The following TBC1D7 variants were observed in gnomAD, a reference collection of about 807,000 sequenced individuals.
The protein encoded by TBC1D7 is TBC domain family 7.
TBC1D7 carries 33 observed loss-of-function variants against 35.3 expected under a neutral mutation model. That is an observed-to-expected ratio of 0.93 (90% confidence interval 0.71 to 1.25). The LOEUF (loss-of-function observed/expected upper bound fraction) is 1.25, where lower values mean the gene tolerates loss of function less well. TBC1D7 is among the 50% of genes most tolerant of loss of function. The probability of loss-of-function intolerance (pLI) is 0.00; values close to 1 mark genes in which losing one functional copy is unlikely to be tolerated. For missense variants in TBC1D7, 362 were observed against 365.3 expected (o/e 0.99, Z 0.07); for synonymous variants, 135 against 129.5 (o/e 1.04, Z -0.29).
At chr6:13,315,861 T>C (rs1323112151) in intron 5 of TBC1D7, among the ~76,000 whole-genome samples, 1 of 152,226 alleles carries the variant, frequency 6.6e-6, no homozygotes, top group East Asian at 1.9e-4. Context: ...GTATCAACTA[T>C]GCTGGGGTTG....
In TBC1D7 at chr6:13,326,811, T is replaced by G. The variant is rs1265653713; in HGVS notation, c.88A>C (p.Ile30Leu). 1 of 1,612,654 alleles carries G rather than the reference T, an allele frequency of 6.2e-7. No individual in the cohort carries two copies. Residue 30 changes from isoleucine to leucine, a missense_variant, in exon 2 of 8, where the codon ATT becomes CTT. By Grantham distance (5) the Ile-to-Leu change is conservative (BLOSUM62 2). Coordinates refer to ENST00000379300, the MANE Select transcript of TBC1D7 (RefSeq NM_016495.6). Reference sequence around the variant, plus strand: ...CCCAGACGGTCATCTTTTAGGAGAATTTCTAATGATTTCTTTTCTTCAACT... The same window carrying G: ...CCCAGACGGTCATCTTTTAGGAGAAGTTCTAATGATTTCTTTTCTTCAACT... ...RGVEEKKSLE[I>L]LLKDDRLDTE... is the part of the protein sequence containing the mutation.
At chr6:13,321,447 C>A (rs556111460) in intron 3 of TBC1D7, among the ~76,000 whole-genome samples, 24 of 152,312 alleles carry the variant, frequency 1.6e-4, no homozygotes, top group Non-Finnish European at 2.8e-4. Flanking sequence ...CCTTTAGCTC[C>A]TAGAGGTCTC....
At chr6:13,322,066 T>C (rs534151106) in intron 3 of TBC1D7, among the ~76,000 whole-genome samples, 41 of 152,100 alleles carry the variant, frequency 2.7e-4, no homozygotes, top group South Asian at 1.2e-3. Flanking sequence ...GTGAAGGTAT[T>C]TGGGAAACCC....
rs773641165 is a variant in TBC1D7 at position 13,307,760 on chromosome 6, A to T, written c.520-15T>A. On this transcript the variant is annotated splice_polypyrimidine_tract_variant and intron_variant, in intron 5 of 7. Transcript: ENST00000379300. Reference sequence around the variant, plus strand: ...AACGCTTTTGGCTAAAGATTAAGCAAGAACAGAGATTATTCATTTTCTGTG... The same window carrying T: ...AACGCTTTTGGCTAAAGATTAAGCATGAACAGAGATTATTCATTTTCTGTG... The T allele has an allele frequency of 6.2e-7, 1 of 1,607,824 alleles. No homozygotes were observed. The highest frequency in any genetic ancestry group is 1.1e-5 in the South Asian group (1 of 90,614).
intron 3 of TBC1D7, among the ~76,000 whole-genome samples, chr6:13,324,350 A>G (rs192459537): frequency 1.3e-5 from 2 of 152,214 alleles, no homozygotes; most frequent in Admixed American, 6.5e-5. Context: ...GGATGGTCTC[A>G]ATCTCCTGAC....
At chr6:13,325,520 G>T (rs905584787) in intron 2 of TBC1D7, among the ~76,000 whole-genome samples, 2 of 152,136 alleles carry the variant, frequency 1.3e-5, no homozygotes, top group African/African-American at 4.8e-5. Context: ...AAAATTGGCT[G>T]GGTATGGTGG....
At position 13,313,604 on chromosome 6, in the gene TBC1D7, A is replaced by G. The variant is rs114511798; in HGVS notation, c.519+2967T>C. On this transcript the variant is annotated intron_variant, in intron 5 of 7. Coordinates refer to ENST00000379300, the MANE Select transcript of TBC1D7 (RefSeq NM_016495.6). ...CCTGGACAAGGGCATGCTTACTCTC[A>G]GTATGGATCTCTTAGGTTTAAATAG... Among the ~76,000 whole-genome samples, 1,181 of 152,344 alleles carry G rather than the reference A, an allele frequency of 7.8e-3. 11 individuals are homozygous for G. The highest frequency in any genetic ancestry group is 0.027 in the African/African-American group (1,118 of 41,578).
At chr6:13,311,883 G>A (rs568647950) in intron 5 of TBC1D7, among the ~76,000 whole-genome samples, 2 of 151,122 alleles carry the variant, frequency 1.3e-5, no homozygotes, top group Admixed American at 1.3e-4. Flanking sequence ...ATTTGGCCCA[G>A]GAATAGACAA....
At chr6:13,321,158 T>A in intron 3 of TBC1D7, 63 bp from the exon 4 acceptor site, 1 of 1,453,630 alleles carries the variant, frequency 6.9e-7, no homozygotes, top group Admixed American at 2.0e-5. Context: ...AAATCCCTCA[T>A]CTATGAAAGA....
intron 5 of TBC1D7, among the ~76,000 whole-genome samples, chr6:13,314,353 A>G (rs1783449412): frequency 6.6e-6 from 1 of 152,236 alleles, no homozygotes; most frequent in African/African-American, 2.4e-5. Context: ...GTCCAGGTCT[A>G]GGGAAACATG....
In TBC1D7 at chr6:13,316,714, A is replaced by G. The variant is rs752731223; in HGVS notation, c.382-6T>C. ...AACACTTCATCATCTGGCTCCTGAA[A>G]GATTAATAATAAATCTCAAGAGGAA... is the stretch of plus-strand genomic sequence containing the variant. On this transcript the variant is annotated splice_region_variant and splice_polypyrimidine_tract_variant and intron_variant, in intron 4 of 7. Coordinates refer to ENST00000379300, the MANE Select transcript of TBC1D7 (RefSeq NM_016495.6). 35 of 1,613,270 alleles carry G rather than the reference A, an allele frequency of 2.2e-5. No homozygotes were observed. The highest frequency in any genetic ancestry group is 3.0e-5 in the Non-Finnish European group (35 of 1,179,800).
At chr6:13,314,034 C>T (rs371234838) in intron 5 of TBC1D7, among the ~76,000 whole-genome samples, 102 of 152,096 alleles carry the variant, frequency 6.7e-4, no homozygotes, top group African/African-American at 2.3e-3. Context: ...CTGGCTAACA[C>T]GGTGAAACCC....
Position 13,305,067 on chromosome 6 carries a change from T to C in TBC1D7, c.*34A>G. 1 of 1,536,552 alleles carries C rather than the reference T, an allele frequency of 6.5e-7. No homozygotes were observed. The highest frequency in any genetic ancestry group is 8.9e-7 in the Non-Finnish European group (1 of 1,125,412). On this transcript the variant is annotated 3_prime_UTR_variant, in exon 8 of 8. Transcript: ENST00000379300. ...GCCAAGAACACAATGCTCACTGTGGTGCCTGGCAGACGGTCCACAACCAGC... is the reference window on the plus strand; with the variant it reads ...GCCAAGAACACAATGCTCACTGTGGCGCCTGGCAGACGGTCCACAACCAGC...
chr6:13,310,006 A>G (rs983923409), intron 5 of TBC1D7, among the ~76,000 whole-genome samples: 2 of 152,250 alleles, frequency 1.3e-5, no homozygotes, highest in African/African-American at 4.8e-5. Context: ...TCAGAATGGC[A>G]AAAATTCAAG....
intron 3 of TBC1D7, 43 bp downstream of exon 3, chr6:13,325,051 C>T (rs946680011): frequency 7.0e-7 from 1 of 1,433,600 alleles, no homozygotes; most frequent in African/African-American, 1.4e-5. Flanking sequence ...TCCCTTCATT[C>T]AATATTTTTT....
chr6:13,320,456 G>A lies in TBC1D7; in HGVS notation c.381+452C>T, dbSNP rs562631510. 4.0e-5 allele frequency: 16 copies of A among 395,722 alleles called. No homozygotes were observed. The East Asian group carries it at 7.8e-4, about 19-fold the overall frequency. The allele number at this position is 395,722 out of a possible 1,614,324, so 24.5% of individuals were successfully genotyped here. A position where few individuals can be genotyped will look rare whatever the true frequency, so the allele number is the denominator to read the frequency against. On this transcript the variant is annotated intron_variant, in intron 4 of 7. Transcript: ENST00000379300. ...CTGCATCTTACTCTCAAATGATTTA[G>A]GAAAAAAAAAATGTGTTTAAAAAAA...
chr6:13,322,535 A>G (rs994199264), intron 3 of TBC1D7, among the ~76,000 whole-genome samples: 2 of 152,262 alleles, frequency 1.3e-5, no homozygotes, highest in African/African-American at 4.8e-5. Context: ...AAGAGTACTC[A>G]GCAAACACTA....
chr6:13,314,650 T>C (rs114426452), intron 5 of TBC1D7, among the ~76,000 whole-genome samples: 2,786 of 152,276 alleles, frequency 0.018, 87 homozygotes, highest in African/African-American at 0.064. Context: ...AAATTTTACT[T>C]AGTTGAAATA....
chr6:13,317,201 T>A (rs768707605), intron 4 of TBC1D7, among the ~76,000 whole-genome samples: 2 of 152,240 alleles, frequency 1.3e-5, no homozygotes, highest in African/African-American at 2.4e-5. Flanking sequence ...TTTTGTTCTA[T>A]CTTAAGCAGT....
Sources: gnomAD v4.1 joint callset for allele counts (sites outside exome capture counted in the v4.1 genomes callset) on GRCh38, gnomAD v4.1.1 for gene constraint, MANE v1.5 for transcripts, NCBI Gene and HGNC (gene_info 2026-07-23, HGNC 2026-07-21) for gene names.